PTPRD: variants seen among roughly 807,000 people sequenced by gnomAD.
The protein encoded by PTPRD is receptor-type tyrosine-protein phosphatase delta.
Under a neutral mutation model 214.5 loss-of-function variants are expected in PTPRD, and 34 were observed. The ratio of observed to expected loss-of-function variants is 0.16; its 90% confidence interval spans 0.12 to 0.21. The LOEUF is 0.21. Ranked by LOEUF, PTPRD falls within the 10% of genes least tolerant of loss-of-function variation. PTPRD has a pLI of 1.00. For missense variants in PTPRD, 2,545 were observed against 2,398.7 expected (o/e 1.06, Z -1.27); for synonymous variants, 1,128 against 845.7 (o/e 1.33, Z -5.79).
At chr9:9,330,219 T>C (rs561369346) in intron 9 of PTPRD, among the ~76,000 whole-genome samples, 2 of 152,238 alleles carry the variant, frequency 1.3e-5, no homozygotes, top group African/African-American at 4.8e-5. Flanking sequence ...ATTCCTTACA[T>C]AGAACAGTTT....
At chr9:9,691,228 C>T (rs1324128010) in intron 7 of PTPRD, among the ~76,000 whole-genome samples, 1 of 151,648 alleles carries the variant, frequency 6.6e-6, no homozygotes, top group African/African-American at 2.4e-5. Context: ...GAAAAAATAC[C>T]AGATCTTATT....
chr9:10,418,135 G>A (rs768778351), intron 2 of PTPRD, among the ~76,000 whole-genome samples: 4 of 151,610 alleles, frequency 2.6e-5, no homozygotes, highest in Non-Finnish European at 5.9e-5. Flanking sequence ...GTTTTAAAAG[G>A]CAGTGAAAAT....
At chr9:9,671,838 CTCAGGTATGTCTTTA>C (rs2096838247) in intron 7 of PTPRD, among the ~76,000 whole-genome samples, 1 of 152,156 alleles carries the variant, frequency 6.6e-6, no homozygotes, top group Non-Finnish European at 1.5e-5. Context: ...TCTTCCCAGT[CTCAGGTATGTCTTTA>C]TCAGCAGCAT....
intron 5 of PTPRD, among the ~76,000 whole-genome samples, chr9:9,842,047 A>AT (rs1170860398): frequency 5.3e-5 from 8 of 151,890 alleles, no homozygotes; most frequent in Admixed American, 3.9e-4. Context: ...AAAATTGCTT[A>AT]TTTTTTCTGC....
At chr9:9,918,136 T>A (rs1299580575) in intron 5 of PTPRD, among the ~76,000 whole-genome samples, 1 of 151,882 alleles carries the variant, frequency 6.6e-6, no homozygotes, top group South Asian at 2.1e-4. Flanking sequence ...ATGACATGAT[T>A]TTGTACATAG....
chr9:8,713,772 G>T lies in PTPRD; in HGVS notation c.64+20008C>A, dbSNP rs971744816. Reference sequence around the variant, plus strand: ...ACGACTGCAAGATCAAGTTCCCGCTGCCCCACCGGGTCCTGCGCCTTCAGC... The same window carrying T: ...ACGACTGCAAGATCAAGTTCCCGCTTCCCCACCGGGTCCTGCGCCTTCAGC... On this transcript the variant is annotated intron_variant, in intron 12 of 45. Coordinates refer to ENST00000381196, the MANE Select transcript of PTPRD (RefSeq NM_002839.4). 103 of 1,535,756 alleles carry T rather than the reference G, an allele frequency of 6.7e-5. 1 individual carries two copies. The South Asian group carries it at 7.4e-4, about 11-fold the overall frequency.
rs74756894 is a variant in PTPRD at position 10,352,460 on chromosome 9, G to C, written c.-599-11443C>G. 7.3e-3 allele frequency among the ~76,000 whole-genome samples: 1,112 copies of C among 152,060 alleles called. 9 individuals are homozygous for C. The highest frequency in any genetic ancestry group is 0.011 in the Non-Finnish European group (760 of 67,906). The stretch of plus-strand genomic sequence containing the variant: ...TAAGGCTGAATTAACATGATTTATT[G>C]CTATTCAAGTAGAAATTTTACATCA... On this transcript the variant is annotated intron_variant, in intron 2 of 45. Coordinates refer to ENST00000381196, the MANE Select transcript of PTPRD (RefSeq NM_002839.4).
intron 14 of PTPRD, among the ~76,000 whole-genome samples, chr9:8,629,792 C>T (rs577206976): frequency 2.0e-5 from 3 of 151,782 alleles, no homozygotes; most frequent in South Asian, 2.1e-4. Context: ...TCACCTCCCC[C>T]CTCTCCTACT....
At chr9:9,717,239 T>C (rs960471779) in intron 7 of PTPRD, among the ~76,000 whole-genome samples, 1 of 152,220 alleles carries the variant, frequency 6.6e-6, no homozygotes. Flanking sequence ...TACCATGCTG[T>C]TTTGCTTACT....
chr9:10,501,088 A>G (rs949931441), intron 2 of PTPRD, among the ~76,000 whole-genome samples: 7 of 151,726 alleles, frequency 4.6e-5, no homozygotes, highest in African/African-American at 1.7e-4. Flanking sequence ...TGGTAGCTCT[A>G]TTTTTAGTTT....
intron 7 of PTPRD, among the ~76,000 whole-genome samples, chr9:9,628,383 T>A (rs1228421435): frequency 2.6e-5 from 4 of 152,168 alleles, no homozygotes; most frequent in Non-Finnish European, 5.9e-5. Context: ...TTCCCTTTTT[T>A]GTTCCCCCTT....
At chr9:10,609,417 G>T (rs569592718) in intron 2 of PTPRD, among the ~76,000 whole-genome samples, 2 of 152,156 alleles carry the variant, frequency 1.3e-5, no homozygotes, top group East Asian at 1.9e-4. Context: ...TTTTAGAATT[G>T]TAAAGTTACA....
chr9:8,995,299 A>T (rs1180659770), intron 11 of PTPRD, among the ~76,000 whole-genome samples: 5 of 152,218 alleles, frequency 3.3e-5, no homozygotes, highest in African/African-American at 1.2e-4. Context: ...TGTTAGAAAT[A>T]CACATTGACC....
chr9:8,589,165 T>C lies in PTPRD; in HGVS notation c.352+44152A>G, dbSNP rs140377109. 3.1e-3 allele frequency among the ~76,000 whole-genome samples: 472 copies of C among 152,318 alleles called. 3 individuals are homozygous for C. Among genetic ancestry groups the C allele is most frequent in the South Asian group, 0.022 (108 of 4,830 alleles). On this transcript the variant is annotated intron_variant, in intron 14 of 45. Coordinates refer to ENST00000381196, the MANE Select transcript of PTPRD (RefSeq NM_002839.4). ...AAGAAAGTATTCTTACAGGAATTTA[T>C]TCTGGCTAACCTTTACACTATGAAG... is the stretch of plus-strand genomic sequence containing the variant.
At chr9:9,882,823 G>A (rs963942385) in intron 5 of PTPRD, among the ~76,000 whole-genome samples, 7 of 152,072 alleles carry the variant, frequency 4.6e-5, no homozygotes, top group African/African-American at 1.7e-4. Flanking sequence ...TTGGAAGTGG[G>A]GGCCTAATGG....
At chr9:9,190,936 T>G (rs147642231) in intron 9 of PTPRD, among the ~76,000 whole-genome samples, 3 of 152,018 alleles carry the variant, frequency 2.0e-5, no homozygotes, top group African/African-American at 7.2e-5. Flanking sequence ...GGCTGAACCA[T>G]AGAGTTCAGA....
intron 3 of PTPRD, among the ~76,000 whole-genome samples, chr9:10,059,383 T>C (rs1398689665): frequency 6.6e-6 from 1 of 152,100 alleles, no homozygotes; most frequent in Admixed American, 6.6e-5. Flanking sequence ...GAGGCCACAG[T>C]CACAATTGCA....
chr9:8,597,622 T>A (rs1382190563), intron 14 of PTPRD, among the ~76,000 whole-genome samples: 1 of 152,170 alleles, frequency 6.6e-6, no homozygotes, highest in African/African-American at 2.4e-5. Context: ...CATTTCAGAT[T>A]TCTGAACACT....
intron 13 of PTPRD, among the ~76,000 whole-genome samples, chr9:8,635,688 T>C (rs2096407892): frequency 6.6e-6 from 1 of 152,206 alleles, no homozygotes; most frequent in East Asian, 1.9e-4. Context: ...TCTGCCAAAC[T>C]GTAAATTAGG....
Sources: allele counts gnomAD v4.1 joint callset (sites outside exome capture counted in the v4.1 genomes callset), GRCh38; gene constraint gnomAD v4.1.1; transcripts MANE v1.5; gene names NCBI Gene and HGNC (gene_info 2026-07-23, HGNC 2026-07-21).